The following ANK3 variants were observed in gnomAD, a reference collection of about 807,000 sequenced individuals.
ANK3 encodes ankyrin 3, also known as ankyrin-3.
ANK3 carries 57 observed loss-of-function variants against 370.9 expected under a neutral mutation model. The ratio of observed to expected loss-of-function variants is 0.15; its 90% CI spans 0.12 to 0.19. The LOEUF (loss-of-function observed/expected upper bound fraction) is 0.19. Ranked by LOEUF, ANK3 falls within the 10% of genes least tolerant of loss-of-function variation. ANK3 has a pLI of 1.00. For missense variants in ANK3, 4,439 were observed against 5,302.1 expected (o/e 0.84, Z 5.06); for synonymous variants, 1,929 against 1,946.3 (o/e 0.99, Z 0.23).
chr10:60,532,616 G>C (rs1257223748), intron 2 of ANK3, among the ~76,000 whole-genome samples: 2 of 152,044 alleles, frequency 1.3e-5, no homozygotes, highest in African/African-American at 4.8e-5. Context: ...CCAACTGCAG[G>C]GTTCTCATGC....
intron 2 of ANK3, among the ~76,000 whole-genome samples, chr10:60,455,214 TTTAA>T (rs1457735999): frequency 2.0e-5 from 3 of 152,316 alleles, no homozygotes. Flanking sequence ...TAAGGTTGCT[TTTAA>T]TTTACTCCCA....
At position 60,732,153 on chromosome 10, in the gene ANK3, C is replaced by T. The variant is rs984879059; in HGVS notation, c.57+1110G>A. 2.0e-5 allele frequency among the ~76,000 whole-genome samples: 3 copies of T among 151,808 alleles called. No homozygotes were observed. The South Asian group carries it at 6.2e-4, about 32-fold the overall frequency. On this transcript the variant is annotated intron_variant, in intron 1 of 43. Transcript: ENST00000373827. ...AAAACATGTAGTATTTATTCTTCTG[C>T]GAAAATAGTTAATGCAAGCCCACGA...
intron 23 of ANK3, among the ~76,000 whole-genome samples, chr10:60,157,221 G>A (rs1050682558): frequency 1.3e-4 from 20 of 151,856 alleles, no homozygotes; most frequent in Non-Finnish European, 2.8e-4. Context: ...ATTTTTAGTA[G>A]AGACAGGGTT....
intron 1 of ANK3, among the ~76,000 whole-genome samples, chr10:60,675,472 G>A (rs2079113168): frequency 6.6e-6 from 1 of 152,122 alleles, no homozygotes; most frequent in Non-Finnish European, 1.5e-5. Flanking sequence ...TTCTAAATTT[G>A]TGCAAAAGAT....
chr10:60,138,461 A>G, intron 24 of ANK3: 1 of 382,064 alleles, frequency 2.6e-6, no homozygotes. Flanking sequence ...AAATAATGGA[A>G]CAGTTTTAGA....
At chr10:60,603,616 A>T (rs951621516) in intron 2 of ANK3, among the ~76,000 whole-genome samples, 1 of 152,140 alleles carries the variant, frequency 6.6e-6, no homozygotes, top group African/African-American at 2.4e-5. Flanking sequence ...AAAATTAGAG[A>T]TTACCATAAT....
intron 36 of ANK3, among the ~76,000 whole-genome samples, chr10:60,079,110 T>C (rs78212367): frequency 0.031 from 4,571 of 149,182 alleles, 155 homozygotes; most frequent in East Asian, 0.12. Flanking sequence ...TAGGGCAAAA[T>C]AGTATTCCAA....
chr10:60,573,449 A>G (rs1291079201), intron 2 of ANK3, among the ~76,000 whole-genome samples: 1 of 152,138 alleles, frequency 6.6e-6, no homozygotes, highest in Non-Finnish European at 1.5e-5. Context: ...TGTGGCAGAA[A>G]CATTCTGTGC....
rs199919584 is a variant in ANK3 at position 60,073,987 on chromosome 10, C to T, written c.6894G>A (p.Ser2298=). 6 of 1,613,974 alleles carry T rather than the reference C, an allele frequency of 3.7e-6. No homozygotes were observed. The highest frequency in any genetic ancestry group is 4.2e-6 in the Non-Finnish European group (5 of 1,179,966). ...ACTTGTGAACATCTGGAGACACTGC[C>T]GACTTATGTTCAAACAGACCTGCCA... ...KELAGLFEHK[S]AVSPDVHKSA... is the part of the protein sequence containing the mutation. Residue 2298 remains serine, a synonymous_variant, in exon 37 of 44, where the codon TCG becomes TCA. Transcript: ENST00000280772.
intron 1 of ANK3, among the ~76,000 whole-genome samples, chr10:60,705,478 A>G (rs1343182416): frequency 6.6e-6 from 1 of 152,208 alleles, no homozygotes; most frequent in Non-Finnish European, 1.5e-5. Context: ...AATTCAGCAT[A>G]TAGGAAAACA....
intron 1 of ANK3, among the ~76,000 whole-genome samples, chr10:60,724,228 A>G (rs936307935): frequency 4.0e-5 from 6 of 149,930 alleles, no homozygotes; most frequent in Admixed American, 1.3e-4. Flanking sequence ...AAAAAAAAAA[A>G]AAAAGAAATG....
chr10:60,588,068 G>C (rs1229081013), intron 2 of ANK3, among the ~76,000 whole-genome samples: 1 of 151,810 alleles, frequency 6.6e-6, no homozygotes, highest in Non-Finnish European at 1.5e-5. Context: ...CAGCTAGACA[G>C]CATGTGTTTC....
chr10:60,165,633 A>G (rs943753144), intron 23 of ANK3, among the ~76,000 whole-genome samples: 4 of 152,164 alleles, frequency 2.6e-5, no homozygotes, highest in Admixed American at 6.5e-5. Context: ...TAGGTTCCCA[A>G]TGAAATGCAT....
intron 2 of ANK3, among the ~76,000 whole-genome samples, chr10:60,491,312 GTTA>G (rs978689862): frequency 2.6e-5 from 4 of 152,180 alleles, no homozygotes; most frequent in Admixed American, 6.6e-5. Flanking sequence ...ACCTAGGTGA[GTTA>G]TTGTCTTGCA....
chr10:60,252,560 C>T (rs1334724561), intron 7 of ANK3, among the ~76,000 whole-genome samples: 4 of 152,088 alleles, frequency 2.6e-5, no homozygotes, highest in Non-Finnish European at 5.9e-5. Flanking sequence ...CTCAGAGCAA[C>T]AATTCTAGAG....
chr10:60,597,596 A>G (rs2078005995), intron 2 of ANK3, among the ~76,000 whole-genome samples: 1 of 152,100 alleles, frequency 6.6e-6, no homozygotes, highest in Non-Finnish European at 1.5e-5. Flanking sequence ...GCTTCTTGTC[A>G]TCTCCCTTTG....
chr10:60,731,565 T>C, intron 1 of ANK3, among the ~76,000 whole-genome samples: 1 of 152,356 alleles, frequency 6.6e-6, no homozygotes, highest in African/African-American at 2.4e-5. Flanking sequence ...CCTCCAGATA[T>C]TAGTAGCTGA....
intron 2 of ANK3, among the ~76,000 whole-genome samples, chr10:60,512,967 A>G (rs1273284951): frequency 6.6e-6 from 1 of 152,122 alleles, no homozygotes; most frequent in Non-Finnish European, 1.5e-5. Context: ...TTCATTAAAA[A>G]CTTGCACTTA....
chr10:60,492,772 A>G (rs2075551916), intron 2 of ANK3, among the ~76,000 whole-genome samples: 1 of 145,910 alleles, frequency 6.9e-6, no homozygotes, highest in South Asian at 2.2e-4. Flanking sequence ...TGTTTGGGGG[A>G]AAATAATAAG....
Sources: gnomAD v4.1 joint callset for allele counts (sites outside exome capture counted in the v4.1 genomes callset) on GRCh38, gnomAD v4.1.1 for gene constraint, MANE v1.5 for transcripts, NCBI Gene and HGNC (gene_info 2026-07-23, HGNC 2026-07-21) for gene names.